The following ANGPT2 variants were observed in gnomAD, a reference collection of about 807,000 sequenced individuals.
ANGPT2 encodes the protein angiopoietin 2.
A neutral mutation model predicts 62.9 loss-of-function variants in ANGPT2; 28 were observed. The observed-to-expected ratio is 0.44, with a 90% CI of 0.33 to 0.61. ANGPT2 has a LOEUF of 0.61. ANGPT2 is among the 20% of genes least tolerant of loss of function. The pLI, the probability that ANGPT2 is intolerant of heterozygous loss-of-function variation, is 0.03. For synonymous variants in ANGPT2, 284 were observed against 207.8 expected (o/e 1.37, Z -3.15); for missense variants, 727 against 594.9 (o/e 1.22, Z -2.31).
chr8:6,528,789 C>A (rs1818880824), intron 2 of ANGPT2, among the ~76,000 whole-genome samples: 1 of 152,204 alleles, frequency 6.6e-6, no homozygotes, highest in African/African-American at 2.4e-5. Context: ...TCATTGTTTG[C>A]TGGTGTCTTT....
At chr8:6,555,701 G>A (rs1586601396) in intron 1 of ANGPT2, among the ~76,000 whole-genome samples, 1 of 152,134 alleles carries the variant, frequency 6.6e-6, no homozygotes, top group Non-Finnish European at 1.5e-5. Flanking sequence ...GAGCTCAAGC[G>A]ACCCACCCGC....
At position 6,499,934 on chromosome 8, in the gene ANGPT2, G is replaced by T. The variant is rs1436462623; in HGVS notation, c.*3167C>A. 1 of 1,612,104 alleles carries T rather than the reference G, an allele frequency of 6.2e-7. No homozygotes were observed. The highest frequency in any genetic ancestry group is 2.2e-5 in the East Asian group (1 of 44,860). ...CACCACTTCCCTGCAGCTCCCGTAAGTCAGATGTTGTTTTACGATGGTAAA... is the reference window on the plus strand; with the variant it reads ...CACCACTTCCCTGCAGCTCCCGTAATTCAGATGTTGTTTTACGATGGTAAA... On this transcript the variant is annotated 3_prime_UTR_variant, in exon 9 of 9. Coordinates refer to ENST00000629816, the MANE Select transcript of ANGPT2 (RefSeq NM_001118887.2).
rs2979668 is a variant in ANGPT2 at position 6,511,404 on chromosome 8, T to C, written c.1196+2274A>G. On this transcript the variant is annotated intron_variant, in intron 7 of 8. Coordinates refer to ENST00000629816, the MANE Select transcript of ANGPT2 (RefSeq NM_001118887.2). Reference sequence around the variant, plus strand: ...TCAGTGTTATATAAAACTGCCAGAATGTGTGTGAAAAGTGATGAATTTTTA... The same window carrying C: ...TCAGTGTTATATAAAACTGCCAGAACGTGTGTGAAAAGTGATGAATTTTTA... 9.1e-3 allele frequency among the ~76,000 whole-genome samples: 1,384 copies of C among 152,282 alleles called. 26 individuals carry two copies. The highest frequency in any genetic ancestry group is 0.031 in the African/African-American group (1,287 of 41,544).
At chr8:6,533,993 T>G (rs1820022186) in intron 1 of ANGPT2, among the ~76,000 whole-genome samples, 1 of 152,160 alleles carries the variant, frequency 6.6e-6, no homozygotes, top group Non-Finnish European at 1.5e-5. Context: ...AGTTTCCTGT[T>G]TCCGATGCCC....
intron 3 of ANGPT2, among the ~76,000 whole-genome samples, chr8:6,526,027 A>G (rs1462131604): frequency 6.6e-6 from 1 of 152,146 alleles, no homozygotes; most frequent in Non-Finnish European, 1.5e-5. Context: ...TGTCACGGAC[A>G]TCATTGTATA....
chr8:6,501,887 A>AT lies in ANGPT2; in HGVS notation c.*1213dup, dbSNP rs1299426363. The AT allele has an allele frequency of 6.6e-6, 1 of 151,276 alleles. No homozygotes were observed. Among genetic ancestry groups the AT allele is most frequent in the Non-Finnish European group, 1.5e-5 (1 of 67,862 alleles). 9.4% of individuals were successfully genotyped at this position (151,276 alleles called of 1,614,324 possible). ...TCTCAAATTTTTGGTAAATATTTAA[A>AT]TATATTATGAACATCAGATTTTGTT... On this transcript the variant is annotated 3_prime_UTR_variant, in exon 9 of 9. Transcript: ENST00000629816.
Position 6,508,399 on chromosome 8 carries a change from G to A in ANGPT2, c.1327+533C>T, listed in dbSNP as rs143472696. 6.8e-3 allele frequency: 1,057 copies of A among 155,636 alleles called. 12 individuals are homozygous for A. The highest frequency in any genetic ancestry group is 0.024 in the African/African-American group (1,002 of 41,568). 9.6% of individuals were successfully genotyped at this position (155,636 alleles called of 1,614,324 possible). On this transcript the variant is annotated intron_variant, in intron 8 of 8. Transcript: ENST00000629816. ...GGAGGCAGGGGTTGCAGTGAGCTGCGATCACACTCCCTTCTGGACAACAAA... is the reference window on the plus strand; with the variant it reads ...GGAGGCAGGGGTTGCAGTGAGCTGCAATCACACTCCCTTCTGGACAACAAA...
rs188117902 is a variant in ANGPT2 at position 6,524,370 on chromosome 8, G to A, written c.567-2960C>T. ...CTATACATTTCACTAGCTTTTCTGC[G>A]AAGGCATATGAAGAGCAGAGAAACA... On this transcript the variant is annotated intron_variant, in intron 3 of 8. Transcript: ENST00000629816. Among the ~76,000 whole-genome samples the A allele has an allele frequency of 7.2e-5, 11 of 152,262 alleles. No individual in the cohort carries two copies. The East Asian group carries it at 1.9e-3, about 27-fold the overall frequency.
intron 7 of ANGPT2, among the ~76,000 whole-genome samples, chr8:6,512,945 C>A (rs1271737853): frequency 6.6e-6 from 1 of 152,194 alleles, no homozygotes; most frequent in African/African-American, 2.4e-5. Context: ...AGATTGAAGA[C>A]AATTGAATGT....
chr8:6,509,791 A>T (rs1291069752), intron 7 of ANGPT2, among the ~76,000 whole-genome samples: 1 of 152,190 alleles, frequency 6.6e-6, no homozygotes, highest in Admixed American at 6.5e-5. Context: ...AGCCTTCCTT[A>T]AATGTGCTCG....
Position 6,519,303 on chromosome 8 carries a change from G to C in ANGPT2, c.927+561C>G, listed in dbSNP as rs181568378. Among the ~76,000 whole-genome samples the C allele has an allele frequency of 2.0e-3, 303 of 152,288 alleles. 9 individuals carry two copies. In the South Asian group the frequency reaches 0.041, roughly 20 times the overall value. On this transcript the variant is annotated intron_variant, in intron 5 of 8. Coordinates refer to ENST00000629816, the MANE Select transcript of ANGPT2 (RefSeq NM_001118887.2). ...ACCACCGGTCTGTGGCACTGTGTTA[G>C]CGTTTGCTCAGATAGAGCAAAAACC...
rs73507162 is a variant in ANGPT2 at position 6,550,535 on chromosome 8, T to G, written c.288+12112A>C. Among the ~76,000 whole-genome samples, 387 of 152,288 alleles carry G rather than the reference T, an allele frequency of 2.5e-3. 2 individuals are homozygous for G. Among genetic ancestry groups the G allele is most frequent in the African/African-American group, 8.9e-3 (368 of 41,556 alleles). The stretch of plus-strand genomic sequence containing the variant: ...CTGGCCTGCTCACCATTTCCCAGAT[T>G]TTCCACATTTGTTCCCACTCGGGGT... On this transcript the variant is annotated intron_variant, in intron 1 of 8. Transcript: ENST00000629816.
chr8:6,502,908 T>C lies in ANGPT2; in HGVS notation c.*193A>G. On this transcript the variant is annotated 3_prime_UTR_variant, in exon 9 of 9. Coordinates refer to ENST00000629816, the MANE Select transcript of ANGPT2 (RefSeq NM_001118887.2). ...CAATTATGGATGTTTAGGGTCTTGC[T>C]TTGGTCCGTTAAGTGATGCAAGTTT... 1 of 608,532 alleles carries C rather than the reference T, an allele frequency of 1.6e-6. No homozygotes were observed. Among genetic ancestry groups the C allele is most frequent in the Non-Finnish European group, 2.8e-6 (1 of 353,804 alleles). The allele number at this position is 608,532 out of a possible 1,614,324, so 37.7% of individuals were successfully genotyped here.
At chr8:6,522,065 G>C (rs1223249978) in intron 3 of ANGPT2, among the ~76,000 whole-genome samples, 3 of 152,110 alleles carry the variant, frequency 2.0e-5, no homozygotes, top group East Asian at 3.9e-4. Flanking sequence ...GTTTTAAAAT[G>C]TAAATGCTGG....
At chr8:6,539,618 G>A (rs778718313) in intron 1 of ANGPT2, among the ~76,000 whole-genome samples, 18 of 151,942 alleles carry the variant, frequency 1.2e-4, no homozygotes, top group African/African-American at 3.4e-4. Flanking sequence ...ATGGAGTCTC[G>A]CTCTGTCTCT....
At chr8:6,540,380 G>C (rs1309035866) in intron 1 of ANGPT2, among the ~76,000 whole-genome samples, 2 of 152,172 alleles carry the variant, frequency 1.3e-5, no homozygotes, top group Non-Finnish European at 2.9e-5. Context: ...TAAGTTTAAG[G>C]AGACTGCTGT....
At chr8:6,518,683 G>T (rs1350668080) in intron 5 of ANGPT2, among the ~76,000 whole-genome samples, 1 of 152,150 alleles carries the variant, frequency 6.6e-6, no homozygotes, top group Non-Finnish European at 1.5e-5. Flanking sequence ...ACTTCCAAGA[G>T]CCTCGAAAAT....
chr8:6,505,162 C>T (rs1306908151), intron 8 of ANGPT2, among the ~76,000 whole-genome samples: 1 of 102,636 alleles, frequency 9.7e-6, no homozygotes, highest in East Asian at 6.5e-4. Flanking sequence ...TTAATAAAAA[C>T]TCTATGCCAA....
At chr8:6,504,417 C>T (rs1247633207) in intron 8 of ANGPT2, among the ~76,000 whole-genome samples, 1 of 151,424 alleles carries the variant, frequency 6.6e-6, no homozygotes, top group Non-Finnish European at 1.5e-5. Flanking sequence ...CCTCCCAGAA[C>T]ATGAATAATC....
Sources: gnomAD v4.1 joint callset for allele counts (sites outside exome capture counted in the v4.1 genomes callset) on GRCh38, gnomAD v4.1.1 for gene constraint, MANE v1.5 for transcripts, NCBI Gene and HGNC (gene_info 2026-07-23, HGNC 2026-07-21) for gene names.